IPCEF1: variants seen among roughly 807,000 people sequenced by gnomAD.
IPCEF1 encodes the protein interactor protein for cytohesin exchange factors 1.
Under a neutral mutation model 50.9 loss-of-function variants are expected in IPCEF1, and 31 were observed. That is an observed-to-expected ratio of 0.61 (90% CI 0.46 to 0.82). IPCEF1 has a LOEUF of 0.82. Among genes scored for constraint, IPCEF1 ranks in the 40% least tolerant of loss-of-function variants. The pLI is 0.00. For missense variants in IPCEF1, 458 were observed against 514.0 expected (o/e 0.89, Z 1.05); for synonymous variants, 181 against 192.0 (o/e 0.94, Z 0.47).
chr6:154,174,521 C>T (rs1441707222), intron 10 of IPCEF1, among the ~76,000 whole-genome samples: 2 of 152,066 alleles, frequency 1.3e-5, no homozygotes, highest in African/African-American at 4.8e-5. Context: ...GGGTTGCAAT[C>T]CTGGTCTCTG....
At chr6:154,349,790 T>G (rs1784092396) in intron 1 of IPCEF1, among the ~76,000 whole-genome samples, 1 of 152,098 alleles carries the variant, frequency 6.6e-6, no homozygotes, top group African/African-American at 2.4e-5. Flanking sequence ...TACTGCATAG[T>G]TAGAAAAAGA....
At chr6:154,264,247 G>T (rs1231540499) in intron 3 of IPCEF1, among the ~76,000 whole-genome samples, 2 of 151,576 alleles carry the variant, frequency 1.3e-5, no homozygotes, top group African/African-American at 4.9e-5. Context: ...TTTTTTTAAA[G>T]AAACACCTTA....
intron 5 of IPCEF1, among the ~76,000 whole-genome samples, chr6:154,226,717 C>T (rs921902457): frequency 6.6e-6 from 1 of 152,156 alleles, no homozygotes; most frequent in South Asian, 2.1e-4. Context: ...ACATCATGAA[C>T]ATTCTTCATG....
At chr6:154,226,602 T>C (rs1356819872) in intron 5 of IPCEF1, among the ~76,000 whole-genome samples, 1 of 152,230 alleles carries the variant, frequency 6.6e-6, no homozygotes, top group Non-Finnish European at 1.5e-5. Context: ...TTTAATGTTT[T>C]GTTGAATTAC....
chr6:154,185,861 C>T lies in IPCEF1; in HGVS notation c.910+13807G>A, dbSNP rs565929224. On this transcript the variant is annotated intron_variant, in intron 10 of 11. Coordinates refer to ENST00000367220, the MANE Select transcript of IPCEF1 (RefSeq NM_001130700.2). ...GGCCACATTCAAAGCTGTCCTGAGC[C>T]ACAAGTTGGATAAGCTTGTTTAATC... Among the ~76,000 whole-genome samples, 4 of 152,316 alleles carry T rather than the reference C, an allele frequency of 2.6e-5. No homozygotes were observed. The South Asian group carries it at 6.2e-4, about 24-fold the overall frequency.
chr6:154,326,321 C>T (rs1218650374), intron 1 of IPCEF1, among the ~76,000 whole-genome samples: 1 of 152,088 alleles, frequency 6.6e-6, no homozygotes, highest in African/African-American at 2.4e-5. Context: ...TAGAAAACCC[C>T]ATCACCTCAG....
chr6:154,182,772 A>G (rs1235351783), intron 10 of IPCEF1, among the ~76,000 whole-genome samples: 1 of 152,184 alleles, frequency 6.6e-6, no homozygotes, highest in African/African-American at 2.4e-5. Context: ...CTGTGGCACC[A>G]TAACCCGCTG....
At chr6:154,171,389 T>C (rs1311544112) in intron 10 of IPCEF1, among the ~76,000 whole-genome samples, 1 of 152,162 alleles carries the variant, frequency 6.6e-6, no homozygotes, top group Non-Finnish European at 1.5e-5. Context: ...ATTGCGTGAT[T>C]CCATTTATAT....
intron 1 of IPCEF1, among the ~76,000 whole-genome samples, chr6:154,290,893 C>CTTT (rs3045866): frequency 3.9e-5 from 5 of 127,296 alleles, no homozygotes; most frequent in Non-Finnish European, 4.8e-5. Flanking sequence ...AATATATTGC[C>CTTT]TTTTTTTTTT....
At chr6:154,188,164 T>G (rs1320919330) in intron 10 of IPCEF1, among the ~76,000 whole-genome samples, 2 of 152,230 alleles carry the variant, frequency 1.3e-5, no homozygotes, top group Non-Finnish European at 2.9e-5. Flanking sequence ...AAAGTTTGAT[T>G]CTTAAAAATG....
chr6:154,331,370 G>GGAAAGAAAGAAAGAAAGAAAAA, intron 1 of IPCEF1, among the ~76,000 whole-genome samples: 2 of 111,998 alleles, frequency 1.8e-5, no homozygotes, highest in South Asian at 6.6e-4. Flanking sequence ...AAGAAAGAAA[G>GGAAAGAAAGAAAGAAAGAAAAA]GAAAGAAAGA....
intron 9 of IPCEF1, among the ~76,000 whole-genome samples, chr6:154,202,382 A>C (rs111863540): frequency 6.6e-6 from 1 of 152,188 alleles, no homozygotes; most frequent in African/African-American, 2.4e-5. Flanking sequence ...GAGGGAATGC[A>C]CTACCCCCAA....
At chr6:154,214,116 T>G in intron 8 of IPCEF1, 102 bp downstream of exon 8, 1 of 791,216 alleles carries the variant, frequency 1.3e-6, no homozygotes, top group Non-Finnish European at 2.2e-6. Flanking sequence ...GCATGTTTCC[T>G]CAGGATCAGA....
intron 9 of IPCEF1, among the ~76,000 whole-genome samples, chr6:154,208,100 TGGAA>T (rs59869400): frequency 0.055 from 8,300 of 152,256 alleles, 313 homozygotes; most frequent in East Asian, 0.2. Flanking sequence ...CCATTTGAAA[TGGAA>T]GTTGATTATA....
intron 1 of IPCEF1, among the ~76,000 whole-genome samples, chr6:154,353,345 A>G (rs1336160482): frequency 7.8e-6 from 1 of 128,248 alleles, no homozygotes; most frequent in Non-Finnish European, 1.5e-5. Flanking sequence ...CCCAGGCTGG[A>G]GTGCAGCTGC....
chr6:154,236,374 G>C (rs1454778214), intron 5 of IPCEF1, among the ~76,000 whole-genome samples: 2 of 152,166 alleles, frequency 1.3e-5, no homozygotes, highest in East Asian at 3.8e-4. Flanking sequence ...GGAGAATGGT[G>C]GTTGCCAGGG....
chr6:154,314,188 A>G (rs1425896846), intron 1 of IPCEF1, among the ~76,000 whole-genome samples: 1 of 152,212 alleles, frequency 6.6e-6, no homozygotes, highest in Non-Finnish European at 1.5e-5. Context: ...TTTTAATCTC[A>G]TTTCATTTTG....
chr6:154,206,620 A>G (rs1206318518), intron 9 of IPCEF1, among the ~76,000 whole-genome samples: 2 of 152,226 alleles, frequency 1.3e-5, no homozygotes, highest in Non-Finnish European at 2.9e-5. Context: ...AAATCATCAA[A>G]AAAAGAAACA....
intron 1 of IPCEF1, among the ~76,000 whole-genome samples, chr6:154,298,776 CA>C (rs201896106): frequency 0.011 from 1,719 of 152,176 alleles, 12 homozygotes; most frequent in Middle Eastern, 0.014. Flanking sequence ...CCAGCCTGAT[CA>C]ACGTGGTGAA....
Sources: allele counts gnomAD v4.1 joint callset (sites outside exome capture counted in the v4.1 genomes callset), GRCh38; gene constraint gnomAD v4.1.1; transcripts MANE v1.5; gene names NCBI Gene and HGNC (gene_info 2026-07-23, HGNC 2026-07-21).